PARP8: variants seen among roughly 807,000 people sequenced by gnomAD.
PARP8 encodes the protein poly(ADP-ribose) polymerase family member 8, also known as protein mono-ADP-ribosyltransferase PARP8.
Under a neutral mutation model 124.1 loss-of-function variants are expected in PARP8, and 51 were observed. The ratio of observed to expected loss-of-function variants is 0.41; its 90% CI spans 0.33 to 0.52. The LOEUF is 0.52. Ranked by LOEUF, PARP8 falls within the 20% of genes least tolerant of loss-of-function variation. The probability of loss-of-function intolerance (pLI) is 0.21; values close to 1 mark genes in which losing one functional copy is unlikely to be tolerated. For synonymous variants in PARP8, 391 were observed against 361.5 expected, an observed-to-expected ratio of 1.08 and a Z score of -0.93; for missense variants, 860 against 1,018.9, an observed-to-expected ratio of 0.84 and a Z score of 2.12.
At chr5:50,840,871 A>G (rs1399981226) in intron 25 of PARP8, among the ~76,000 whole-genome samples, 1 of 151,820 alleles carries the variant, frequency 6.6e-6, no homozygotes, top group African/African-American at 2.4e-5. Flanking sequence ...TGTCATTTCC[A>G]TGTATATGTA....
intron 2 of PARP8, among the ~76,000 whole-genome samples, chr5:50,721,594 T>C (rs1342283201): frequency 2.0e-5 from 3 of 152,100 alleles, no homozygotes; most frequent in African/African-American, 4.8e-5. Flanking sequence ...GCCTTTCATT[T>C]CTGTGGCCGA....
At chr5:50,733,072 C>T (rs780030256) in intron 2 of PARP8, among the ~76,000 whole-genome samples, 8 of 151,682 alleles carry the variant, frequency 5.3e-5, no homozygotes, top group Non-Finnish European at 1.0e-4. Context: ...GAGGCCAAAG[C>T]GGGTGGATTG....
intron 2 of PARP8, among the ~76,000 whole-genome samples, chr5:50,684,843 A>G (rs551362569): frequency 6.6e-6 from 1 of 152,176 alleles, no homozygotes; most frequent in South Asian, 2.1e-4. Flanking sequence ...GTGGGGTATG[A>G]GGGATTACGG....
chr5:50,760,137 A>G (rs1358788157), intron 4 of PARP8, among the ~76,000 whole-genome samples, 155 bp from the exon 5 acceptor site: 4 of 152,170 alleles, frequency 2.6e-5, no homozygotes, highest in African/African-American at 9.6e-5. Flanking sequence ...CGTATTGTGT[A>G]ACTCCTCAAC....
intron 2 of PARP8, among the ~76,000 whole-genome samples, chr5:50,734,990 T>G (rs1387013006): frequency 6.6e-6 from 1 of 152,102 alleles, no homozygotes; most frequent in African/African-American, 2.4e-5. Context: ...AATATATAGT[T>G]ATAATATCTA....
rs1291959631 is a variant in PARP8 at position 50,821,227 on chromosome 5, A to C, written c.1683A>C (p.Leu561=). 3 of 1,613,994 alleles carry C rather than the reference A, an allele frequency of 1.9e-6. No individual in the cohort carries two copies. The highest frequency in any genetic ancestry group is 1.1e-5 in the South Asian group (1 of 91,082). Residue 561 remains leucine (L), a synonymous_variant, in exon 16 of 26, where the codon CTA becomes CTC. Coordinates refer to ENST00000281631, the MANE Select transcript of PARP8 (RefSeq NM_024615.4). ...TATATTTCAAGGTGGTAGATCTACT[A>C]GTATCCATGTGTAGGTCTGCGTTGG... ...IATGAQVVDL[L]VSMCRSALES...
Position 50,795,404 on chromosome 5 carries a change from C to A in PARP8, c.1415C>A (p.Ser472Tyr), listed in dbSNP as rs1387409886. 2 of 1,592,222 alleles carry A rather than the reference C, an allele frequency of 1.3e-6. No individual in the cohort carries two copies. Among genetic ancestry groups the A allele is most frequent in the East Asian group, 4.5e-5 (2 of 44,670 alleles). Residue 472 changes from serine (S) to tyrosine (Y), a missense_variant, in exon 12 of 26, where the codon TCT (serine) becomes TAT (tyrosine). Coordinates refer to ENST00000281631, the MANE Select transcript of PARP8 (RefSeq NM_024615.4). ...IGILTPSSSS[S>Y]SQLAPNGAKC... Reference sequence around the variant, plus strand: ...ATCCTAACACCATCTTCATCTTCATCTTCTCAGCTTGCTGTGCGTAAATAT... The same window carrying A: ...ATCCTAACACCATCTTCATCTTCATATTCTCAGCTTGCTGTGCGTAAATAT...
At chr5:50,811,929 T>TAAA (rs1744500608) in intron 14 of PARP8, among the ~76,000 whole-genome samples, 2 of 152,234 alleles carry the variant, frequency 1.3e-5, no homozygotes, top group Non-Finnish European at 2.9e-5. Flanking sequence ...CATCCTTTTT[T>TAAA]ATGGCTGCAT....
At chr5:50,744,683 T>A (rs1417259031) in intron 2 of PARP8, 10 of 691,620 alleles carry the variant, frequency 1.4e-5, no homozygotes, top group Non-Finnish European at 1.8e-5. Flanking sequence ...ATGTAATTAA[T>A]TGTAAGTCAG....
intron 2 of PARP8, among the ~76,000 whole-genome samples, chr5:50,703,004 A>G (rs892920497): frequency 1.3e-5 from 2 of 152,144 alleles, no homozygotes; most frequent in Non-Finnish European, 2.9e-5. Context: ...ATTACAGAAG[A>G]TAAAAAGTGT....
In PARP8 at chr5:50,846,298, T is replaced by A. The variant is rs895136656; in HGVS notation, c.*4230T>A. ...TGCACAGGATAGTATTGCAACCTGC[T>A]ATTTAGCCTTTGGTGCCTTAGAATT... On this transcript the variant is annotated 3_prime_UTR_variant, in exon 26 of 26. Coordinates refer to ENST00000281631, the MANE Select transcript of PARP8 (RefSeq NM_024615.4). 2 of 151,808 alleles carry A rather than the reference T, an allele frequency of 1.3e-5. No homozygotes were observed. Among genetic ancestry groups the A allele is most frequent in the African/African-American group, 4.8e-5 (2 of 41,410 alleles). 9.4% of individuals were successfully genotyped at this position (151,808 alleles called of 1,614,324 possible). A position where few individuals can be genotyped will look rare whatever the true frequency, so the allele number is the denominator to read the frequency against.
Position 50,834,027 on chromosome 5 carries a change from A to C in PARP8, c.2356A>C (p.Lys786Gln). The change falls in exon 24 of 26, where the codon AAA becomes CAA. Residue 786 changes from lysine to glutamine, a missense_variant. Coordinates refer to ENST00000281631, the MANE Select transcript of PARP8 (RefSeq NM_024615.4). Reference protein sequence around the residue: ...QSQFLQSRNLKCIALCEVITS... With the variant: ...QSQFLQSRNLQCIALCEVITS... ...CCAATTCCTGCAAAGCCGTAACTTAAAATGCATAGCCTTATGTGAAGGTAA... is the reference window on the plus strand; with the variant it reads ...CCAATTCCTGCAAAGCCGTAACTTACAATGCATAGCCTTATGTGAAGGTAA... 1 of 1,612,558 alleles carries C rather than the reference A, an allele frequency of 6.2e-7. No homozygotes were observed. The highest frequency in any genetic ancestry group is 8.5e-7 in the Non-Finnish European group (1 of 1,178,962).
chr5:50,788,858 G>T (rs555505523), intron 10 of PARP8, among the ~76,000 whole-genome samples: 41 of 152,280 alleles, frequency 2.7e-4, no homozygotes, highest in Non-Finnish European at 5.0e-4. Context: ...AGGCTGACCT[G>T]TGTGGACACA....
At chr5:50,679,791 A>G (rs772455358) in intron 2 of PARP8, among the ~76,000 whole-genome samples, 3 of 152,220 alleles carry the variant, frequency 2.0e-5, no homozygotes, top group Non-Finnish European at 2.9e-5. Flanking sequence ...CATAGTGCTT[A>G]GGAAGTTTCT....
intron 2 of PARP8, among the ~76,000 whole-genome samples, chr5:50,710,130 G>A (rs373612871): frequency 6.6e-6 from 1 of 151,196 alleles, no homozygotes; most frequent in Admixed American, 6.6e-5. Flanking sequence ...TTTTTTCTGG[G>A]GCTAATTATT....
At chr5:50,737,890 AATCAAAATATGTC>A (rs1179249777) in intron 2 of PARP8, among the ~76,000 whole-genome samples, 2 of 152,236 alleles carry the variant, frequency 1.3e-5, no homozygotes, top group South Asian at 2.1e-4. Flanking sequence ...AATACTTACT[AATCAAAATATGTC>A]ATCAAAATAT....
At chr5:50,704,033 T>A (rs1008421388) in intron 2 of PARP8, among the ~76,000 whole-genome samples, 1 of 152,186 alleles carries the variant, frequency 6.6e-6, no homozygotes, top group African/African-American at 2.4e-5. Context: ...GTTGCTAATC[T>A]TTTGACATGT....
intron 2 of PARP8, among the ~76,000 whole-genome samples, chr5:50,703,785 C>T (rs1019905985): frequency 3.9e-5 from 6 of 151,996 alleles, no homozygotes; most frequent in African/African-American, 1.2e-4. Flanking sequence ...GTGTTGTGCA[C>T]CTGTGGTCCG....
intron 15 of PARP8, among the ~76,000 whole-genome samples, chr5:50,818,786 A>T (rs111997894): frequency 6.6e-6 from 1 of 152,232 alleles, no homozygotes; most frequent in Non-Finnish European, 1.5e-5. Context: ...CTTCTTAAAA[A>T]GTCTAATGCT....
Sources: gnomAD v4.1 joint callset for allele counts (sites outside exome capture counted in the v4.1 genomes callset) on GRCh38, gnomAD v4.1.1 for gene constraint, MANE v1.5 for transcripts, NCBI Gene and HGNC (gene_info 2026-07-23, HGNC 2026-07-21) for gene names.